DPP6: variants seen among roughly 807,000 people sequenced by gnomAD.
DPP6 encodes dipeptidyl peptidase like 6.
A neutral mutation model predicts 122.6 loss-of-function variants in DPP6; 69 were observed. The ratio of observed to expected loss-of-function variants is 0.56; its 90% CI spans 0.46 to 0.69. The LOEUF is 0.69. Among genes scored for constraint, DPP6 ranks in the 30% least tolerant of loss-of-function variants. The pLI is 0.00. For missense variants in DPP6, 928 were observed against 1,116.9 expected (o/e 0.83, Z 2.41); for synonymous variants, 418 against 433.1 (o/e 0.97, Z 0.43).
At chr7:154,250,587 T>C (rs577247942) in intron 1 of DPP6, among the ~76,000 whole-genome samples, 1 of 152,322 alleles carries the variant, frequency 6.6e-6, no homozygotes, top group South Asian at 2.1e-4. Flanking sequence ...TGTTTCTCCC[T>C]AGTTAGAAAG....
upstream of DPP6, among the ~76,000 whole-genome samples, chr7:153,886,496 G>A (rs1017797232): frequency 3.3e-5 from 5 of 152,152 alleles, no homozygotes; most frequent in African/African-American, 1.2e-4. Flanking sequence ...GATCCCGCAG[G>A]CAGCCAAGAG....
At position 154,773,392 on chromosome 7, in the gene DPP6, C is replaced by T. The variant is rs143772492; in HGVS notation, c.1136+450C>T. Among the ~76,000 whole-genome samples, 1,359 of 152,332 alleles carry T rather than the reference C, an allele frequency of 8.9e-3. 18 individuals are homozygous for T. The highest frequency in any genetic ancestry group is 0.015 in the South Asian group (72 of 4,828). On this transcript the variant is annotated intron_variant, in intron 10 of 25. Transcript: ENST00000377770. ...TCTCCCAGTTGGTAAGGTCGCAACC[C>T]TGTGGAAGGTATTAACAATGTTATT...
chr7:154,887,060 G>C (rs374671411), intron 22 of DPP6, among the ~76,000 whole-genome samples: 3 of 152,216 alleles, frequency 2.0e-5, no homozygotes, highest in East Asian at 3.9e-4. Context: ...CAGATTGTCT[G>C]ATTCAAATGC....
chr7:154,228,558 C>T (rs1800741062), intron 1 of DPP6, among the ~76,000 whole-genome samples: 1 of 152,184 alleles, frequency 6.6e-6, no homozygotes, highest in African/African-American at 2.4e-5. Context: ...GAAATGGAAA[C>T]TGGGAAAGAA....
intron 9 of DPP6, among the ~76,000 whole-genome samples, chr7:154,772,038 C>T (rs1796278257): frequency 6.6e-6 from 1 of 152,108 alleles, no homozygotes; most frequent in Admixed American, 6.6e-5. Flanking sequence ...GAGTGATAAC[C>T]TGGAATCCAG....
At chr7:153,900,489 G>A (rs1799599529) in intron 1 of DPP6, among the ~76,000 whole-genome samples, 1 of 152,180 alleles carries the variant, frequency 6.6e-6, no homozygotes, top group Non-Finnish European at 1.5e-5. Context: ...ATGGCAGAAG[G>A]TGGAGGGGAG....
At chr7:154,267,574 CACAT>C (rs1233561661) in intron 1 of DPP6, among the ~76,000 whole-genome samples, 3 of 148,938 alleles carry the variant, frequency 2.0e-5, no homozygotes, top group Middle Eastern at 3.6e-3. Flanking sequence ...CATGTACACA[CACAT>C]ATGTGCACAT....
At chr7:153,775,983 A>T in the DPP6 span, among the ~76,000 whole-genome samples, 1 of 152,198 alleles carries the variant, frequency 6.6e-6, no homozygotes, top group Non-Finnish European at 1.5e-5. Flanking sequence ...TATTGGTAAG[A>T]TGTCAATTAT....
intron 5 of DPP6, chr7:154,588,689 A>C: frequency 1.3e-5 from 2 of 149,184 alleles, no homozygotes; most frequent in East Asian, 3.9e-4. Flanking sequence ...GGTTTTATTA[A>C]TTAAGTCAAA....
intron 1 of DPP6, among the ~76,000 whole-genome samples, chr7:154,133,516 C>T (rs1178800662): frequency 6.6e-6 from 1 of 152,090 alleles, no homozygotes; most frequent in Non-Finnish European, 1.5e-5. Flanking sequence ...AAAGTGGACA[C>T]AGGATGACAT....
At chr7:153,903,860 G>A (rs915442514) in intron 1 of DPP6, among the ~76,000 whole-genome samples, 2 of 152,180 alleles carry the variant, frequency 1.3e-5, no homozygotes, top group African/African-American at 4.8e-5. Flanking sequence ...ATCCCAGGAA[G>A]TCAGCAACTG....
the DPP6 span, among the ~76,000 whole-genome samples, chr7:153,782,151 T>C: frequency 4.0e-5 from 6 of 151,884 alleles, no homozygotes; most frequent in African/African-American, 7.3e-5. Flanking sequence ...AGCCCCATCT[T>C]TTGGGGAGAC....
At chr7:154,628,651 AT>A (rs145035648) in intron 5 of DPP6, among the ~76,000 whole-genome samples, 2,010 of 152,234 alleles carry the variant, frequency 0.013, 48 homozygotes, top group African/African-American at 0.045. Flanking sequence ...GAGCTCGTTT[AT>A]TTTAACTATC....
At chr7:153,989,335 G>C (rs55885194) in intron 1 of DPP6, among the ~76,000 whole-genome samples, 11 of 150,930 alleles carry the variant, frequency 7.3e-5, no homozygotes, top group Non-Finnish European at 1.3e-4. Context: ...GTGAGTGTGA[G>C]TGTGCAAGTG....
rs535539826 is a variant in DPP6, at chr7:153,962,774, T to C, written c.51+75040T>C. Among the ~76,000 whole-genome samples the C allele has an allele frequency of 3.9e-5, 6 of 152,304 alleles. No individual in the cohort carries two copies. The East Asian group carries it at 1.2e-3, about 29-fold the overall frequency. ...ACCATCTAGAAGCCTAAGAATCACCTTCAGACACCACCTTCCCACCCCACA... is the reference window on the plus strand; with the variant it reads ...ACCATCTAGAAGCCTAAGAATCACCCTCAGACACCACCTTCCCACCCCACA... On this transcript the variant is annotated intron_variant, in intron 1 of 25. Coordinates refer to the DPP6 transcript ENST00000404039.
intron 1 of DPP6, among the ~76,000 whole-genome samples, chr7:154,410,771 C>T (rs1816529273): frequency 6.6e-6 from 1 of 152,136 alleles, no homozygotes. Flanking sequence ...TGTTTCTTCC[C>T]TTTTAAAGAA....
intron 6 of DPP6, among the ~76,000 whole-genome samples, chr7:154,652,264 G>GTTTT (rs532694133): frequency 6.7e-6 from 1 of 149,456 alleles, no homozygotes; most frequent in East Asian, 2.0e-4. Flanking sequence ...CTCCAAAGGC[G>GTTTT]TTTTTTTTTT....
chr7:154,280,302 A>C (rs1334610471), intron 1 of DPP6, among the ~76,000 whole-genome samples: 1 of 152,214 alleles, frequency 6.6e-6, no homozygotes, highest in East Asian at 1.9e-4. Context: ...GTAGGTGCTC[A>C]GGAAGTGAAT....
At chr7:154,635,905 A>G (rs1045052699) in intron 5 of DPP6, among the ~76,000 whole-genome samples, 10 of 152,128 alleles carry the variant, frequency 6.6e-5, no homozygotes, top group Non-Finnish European at 1.2e-4. Flanking sequence ...AAGCCACGAT[A>G]CCTCTTATAA....
Sources: gnomAD v4.1 joint callset for allele counts (sites outside exome capture counted in the v4.1 genomes callset) on GRCh38, gnomAD v4.1.1 for gene constraint, MANE v1.5 for transcripts, NCBI Gene and HGNC (gene_info 2026-07-23, HGNC 2026-07-21) for gene names.